The following DYSF variants were observed in gnomAD, a reference collection of about 807,000 sequenced individuals.
DYSF encodes dystrophy-associated fer-1-like 1.
Under a neutral mutation model 274.9 loss-of-function variants are expected in DYSF, and 212 were observed. That is an observed-to-expected ratio of 0.77 (90% CI 0.69 to 0.86). The LOEUF is 0.86. Ranked by LOEUF, DYSF falls within the 40% of genes least tolerant of loss-of-function variation. The pLI is 0.00. For synonymous variants in DYSF, 1,091 were observed against 1,078.7 expected, an observed-to-expected ratio of 1.01 and a Z score of -0.22; for missense variants, 2,666 against 2,783.2, an observed-to-expected ratio of 0.96 and a Z score of 0.95.
chr2:71,647,538 A>C (rs763370896), intron 42 of DYSF, among the ~76,000 whole-genome samples: 19 of 152,220 alleles, frequency 1.2e-4, no homozygotes, highest in Non-Finnish European at 2.5e-4. Flanking sequence ...TCAAACCCAC[A>C]AAATCCATTT....
chr2:71,588,490 G>T, intron 30 of DYSF, among the ~76,000 whole-genome samples: 1 of 152,112 alleles, frequency 6.6e-6, no homozygotes, highest in Non-Finnish European at 1.5e-5. Context: ...TTCAGAGCCT[G>T]GGGAGAGGTT....
chr2:71,666,654 C>T (rs1360769839), intron 47 of DYSF, among the ~76,000 whole-genome samples: 1 of 152,220 alleles, frequency 6.6e-6, no homozygotes, highest in Non-Finnish European at 1.5e-5. Context: ...CAGTTTTTGA[C>T]CCATTCCCTA....
intron 3 of DYSF, among the ~76,000 whole-genome samples, chr2:71,490,846 G>C (rs1230154760): frequency 6.6e-6 from 1 of 152,136 alleles, no homozygotes; most frequent in Non-Finnish European, 1.5e-5. Context: ...TTACCCCACT[G>C]TACTCTCATT....
chr2:71,481,994 T>A (rs1378921698), intron 3 of DYSF, 24 bp downstream of exon 3: 1 of 1,594,540 alleles, frequency 6.3e-7, no homozygotes. Context: ...AGGGGGGTGC[T>A]CCATGGCTTG....
Position 71,537,223 on chromosome 2 carries a change from G to GTTTTGTTT in DYSF, c.1493+1916_1493+1917insGTTTTTTT, listed in dbSNP as rs1553536523. On this transcript the variant is annotated intron_variant, in intron 16 of 55. Coordinates refer to ENST00000410020, the MANE Select transcript of DYSF (RefSeq NM_001130987.2). Reference sequence around the variant, plus strand: ...CAGGAAATTTTTACTTTCTAGTTTTGTTTTTTTTTTTTTTTTTTTTTTTGC... The same window carrying GTTTTGTTT: ...CAGGAAATTTTTACTTTCTAGTTTTGTTTTGTTTTTTTTTTTTTTTTTTTTTTTTTTGC... Among the ~76,000 whole-genome samples the GTTTTGTTT allele has an allele frequency of 9.6e-3, 762 of 79,584 alleles. 9 individuals are homozygous for GTTTTGTTT. The highest frequency in any genetic ancestry group is 0.02 in the African/African-American group (430 of 21,392). The allele number at this position is 79,584 out of a possible 152,430, so 52.2% of individuals were successfully genotyped here. A position where few individuals can be genotyped will look rare whatever the true frequency, so the allele number is the denominator to read the frequency against.
intron 22 of DYSF, among the ~76,000 whole-genome samples, chr2:71,561,093 A>G (rs1339163568): frequency 6.6e-6 from 1 of 151,854 alleles, no homozygotes; most frequent in African/African-American, 2.4e-5. Context: ...TTGAGCTTAA[A>G]CCTGACCTCC....
Position 71,569,922 on chromosome 2 carries a change from C to A in DYSF, c.2967C>A (p.Asn989Lys), listed in dbSNP as rs932028347. The change falls in exon 27 of 56, where the codon AAC (asparagine) becomes AAA (lysine). Residue 989 changes from asparagine (N) to lysine (K), a missense_variant. Physicochemically the swap from Asn to Lys is moderately conservative, Grantham distance 94. Coordinates refer to ENST00000410020, the MANE Select transcript of DYSF (RefSeq NM_001130987.2). ...PGGQWIYMSD[N>K]YTDVNGEKVL... ...GCCAGTGGATCTACATGAGTGACAACTACACCGATGTGGTAAAGCAGGCAC... is the reference window on the plus strand; with the variant it reads ...GCCAGTGGATCTACATGAGTGACAAATACACCGATGTGGTAAAGCAGGCAC... The A allele has an allele frequency of 6.2e-7, 1 of 1,614,018 alleles. No individual in the cohort carries two copies. Among genetic ancestry groups the A allele is most frequent in the Admixed American group, 1.7e-5 (1 of 60,022 alleles).
At chr2:71,685,547 C>T (rs2095346894) in intron 55 of DYSF, among the ~76,000 whole-genome samples, 1 of 152,250 alleles carries the variant, frequency 6.6e-6, no homozygotes, top group Admixed American at 6.5e-5. Context: ...GGCTGCCTGC[C>T]CCAAGCCAGG....
At chr2:71,657,086 G>A (rs1284163855) in intron 43 of DYSF, among the ~76,000 whole-genome samples, 2 of 152,182 alleles carry the variant, frequency 1.3e-5, no homozygotes, top group African/African-American at 4.8e-5. Context: ...AATATCAAAA[G>A]TAAGGTAGTT....
At chr2:71,601,886 G>C (rs1255983373) in intron 35 of DYSF, among the ~76,000 whole-genome samples, 1 of 152,194 alleles carries the variant, frequency 6.6e-6, no homozygotes, top group Admixed American at 6.5e-5. Flanking sequence ...TTAGCCCCAG[G>C]GTTCTGAAAG....
At chr2:71,562,016 AG>A in intron 23 of DYSF, 72 bp downstream of exon 23, 4 of 1,556,048 alleles carry the variant, frequency 2.6e-6, no homozygotes, top group Non-Finnish European at 3.5e-6. Context: ...GGCAGGGACA[AG>A]GCGAATGTCT....
At chr2:71,677,311 C>T (rs2095238171) in intron 52 of DYSF, among the ~76,000 whole-genome samples, 1 of 152,112 alleles carries the variant, frequency 6.6e-6, no homozygotes, top group Non-Finnish European at 1.5e-5. Flanking sequence ...ATTGAAACAC[C>T]TTTGCATGGT....
chr2:71,526,421 C>CGCTGGGCTGGGGGGGGTGGGCTTTGGG, intron 13 of DYSF, 75 bp downstream of exon 13: 1 of 272,074 alleles, frequency 3.7e-6, no homozygotes, highest in East Asian at 9.7e-5. Flanking sequence ...TGGGCGATGG[C>CGCTGGGCTGGGGGGGGTGGGCTTTGGG]GGGCGGGGTC....
intron 35 of DYSF, 195 bp from the exon 36 acceptor site, chr2:71,602,581 T>C (rs1007994928): frequency 2.0e-5 from 12 of 587,842 alleles, no homozygotes; most frequent in Admixed American, 9.5e-5. Context: ...GGGACCACTT[T>C]AGGGGCGTGG....
chr2:71,635,404 AATTATGT>A lies in DYSF; in HGVS notation c.4528-8560_4528-8554del, dbSNP rs553731536. Among the ~76,000 whole-genome samples, 378 of 152,308 alleles carry A rather than the reference AATTATGT, an allele frequency of 2.5e-3. 1 individual carries two copies. Among genetic ancestry groups the A allele is most frequent in the Non-Finnish European group, 2.9e-3 (194 of 68,026 alleles). On this transcript the variant is annotated intron_variant, in intron 41 of 55. Coordinates refer to ENST00000410020, the MANE Select transcript of DYSF (RefSeq NM_001130987.2). Reference sequence around the variant, plus strand: ...ATCCATCAAATATTGACAGAACTGCAATTATGTCTTTCAGGCAATGTTCTAAGCATTG... The same window carrying A: ...ATCCATCAAATATTGACAGAACTGCACTTTCAGGCAATGTTCTAAGCATTG...
chr2:71,585,672 C>G (rs1448873401), intron 30 of DYSF, among the ~76,000 whole-genome samples: 1 of 152,150 alleles, frequency 6.6e-6, no homozygotes, highest in Non-Finnish European at 1.5e-5. Context: ...TTGTCTTTCC[C>G]TGAGGCAGGT....
At position 71,682,541 on chromosome 2, in the gene DYSF, C is replaced by T; in HGVS notation, c.6185C>T (p.Thr2062Ile). 1.2e-6 allele frequency: 2 copies of T among 1,614,118 alleles called. No individual in the cohort carries two copies. ...GATCTCGCTTCCAGGCGCCCCGACA[C>T]CTCCTTCCTGTGGTTTACCTCCCCA... ...PKLEDPRRPD[T>I]SFLWFTSPYK... Residue 2062 changes from threonine (T) to isoleucine (I), a missense_variant, in exon 55 of 56, where the codon ACC becomes ATC. By Grantham distance (89) the Thr-to-Ile change is moderately conservative. Around this residue, in one of 3 missense-constraint regions of DYSF, gnomAD observed 1,460 missense variants for 1,502.1 expected, o/e 0.97. Coordinates refer to ENST00000410020, the MANE Select transcript of DYSF (RefSeq NM_001130987.2).
At chr2:71,488,025 G>A (rs2083496157) in intron 3 of DYSF, among the ~76,000 whole-genome samples, 1 of 152,088 alleles carries the variant, frequency 6.6e-6, no homozygotes, top group Non-Finnish European at 1.5e-5. Context: ...ACTGACTTGG[G>A]AAGTTGGACT....
chr2:71,474,833 G>GAGTTT (rs2082282844), intron 1 of DYSF, among the ~76,000 whole-genome samples: 2 of 152,194 alleles, frequency 1.3e-5, no homozygotes, highest in African/African-American at 4.8e-5. Context: ...AGTTAAGGAA[G>GAGTTT]CCTGGAGCAC....
Sources: allele counts gnomAD v4.1 joint callset (sites outside exome capture counted in the v4.1 genomes callset), GRCh38; gene constraint gnomAD v4.1.1; regional missense constraint gnomAD v4.1.1; transcripts MANE v1.5; gene names NCBI Gene and HGNC (gene_info 2026-07-23, HGNC 2026-07-21).